The following TLN2 variants were observed in gnomAD, a reference collection of about 807,000 sequenced individuals.
The protein encoded by TLN2 is talin 2, also known as talin-2.
Under a neutral mutation model 294.7 loss-of-function variants are expected in TLN2, and 118 were observed. The observed-to-expected ratio is 0.40, with a 90% CI of 0.34 to 0.47. TLN2 has a LOEUF of 0.47. Among genes scored for constraint, TLN2 ranks in the 20% least tolerant of loss-of-function variants. The pLI is 0.84. For missense variants in TLN2, 3,083 were observed against 3,282.2 expected (o/e 0.94, Z 1.48); for synonymous variants, 1,431 against 1,304.5 (o/e 1.10, Z -2.09).
At chr15:62,606,176 G>A (rs1000122469) in intron 2 of TLN2, among the ~76,000 whole-genome samples, 1 of 151,992 alleles carries the variant, frequency 6.6e-6, no homozygotes, top group Admixed American at 6.6e-5. Flanking sequence ...CCGCCTCCCA[G>A]GTTCAAGCAA....
At chr15:62,704,644 T>C (rs560305867) in intron 19 of TLN2, among the ~76,000 whole-genome samples, 3 of 152,176 alleles carry the variant, frequency 2.0e-5, no homozygotes, top group African/African-American at 7.2e-5. Context: ...ATGATAGAGG[T>C]TGAATTCATA....
chr15:62,735,714 G>A (rs935598274), intron 28 of TLN2, among the ~76,000 whole-genome samples: 3 of 152,076 alleles, frequency 2.0e-5, no homozygotes, highest in Non-Finnish European at 2.9e-5. Flanking sequence ...GTATGACCTA[G>A]CAGTTCACCT....
At chr15:62,578,207 A>G (rs1038796557) in intron 1 of TLN2, among the ~76,000 whole-genome samples, 3 of 152,186 alleles carry the variant, frequency 2.0e-5, no homozygotes, top group African/African-American at 7.2e-5. Flanking sequence ...ATGGTACATG[A>G]CGTGGTAAAT....
intron 48 of TLN2, among the ~76,000 whole-genome samples, chr15:62,799,912 A>G (rs1176474368): frequency 1.3e-5 from 2 of 152,178 alleles, no homozygotes; most frequent in South Asian, 2.1e-4. Flanking sequence ...AGAAGAAGAC[A>G]GGCTGACCTG....
chr15:62,798,179 G>A (rs1419997362), intron 48 of TLN2, among the ~76,000 whole-genome samples: 2 of 152,174 alleles, frequency 1.3e-5, no homozygotes, highest in Admixed American at 1.3e-4. Flanking sequence ...GCAGCCAGAT[G>A]GGGGTGGGGA....
rs1221644000 is a variant in TLN2, at chr15:62,752,432, G to T, written c.4332+5G>T. The T allele has an allele frequency of 6.2e-7, 1 of 1,613,970 alleles. No homozygotes were observed. The highest frequency in any genetic ancestry group is 8.5e-7 in the Non-Finnish European group (1 of 1,179,988). ...CTGACAGAGGCTGCAGCCCAGGTAAGGGGCTAGTCCCGATGCAGCCATGTG... is the reference window on the plus strand; with the variant it reads ...CTGACAGAGGCTGCAGCCCAGGTAATGGGCTAGTCCCGATGCAGCCATGTG... On this transcript the variant is annotated splice_donor_5th_base_variant and intron_variant, in intron 35 of 58. Coordinates refer to ENST00000636159, the MANE Select transcript of TLN2 (RefSeq NM_015059.3).
At chr15:62,779,587 C>T (rs2063971349) in intron 43 of TLN2, among the ~76,000 whole-genome samples, 2 of 152,222 alleles carry the variant, frequency 1.3e-5, no homozygotes. Flanking sequence ...TGGCCACTGG[C>T]CAAGAACTCT....
At chr15:62,507,778 A>T (rs2039703959) in intron 1 of TLN2, among the ~76,000 whole-genome samples, 1 of 152,266 alleles carries the variant, frequency 6.6e-6, no homozygotes, top group Non-Finnish European at 1.5e-5. Flanking sequence ...ACTGGGCAGA[A>T]GCACAGATGT....
chr15:62,839,483 A>G (rs1012370166), intron 58 of TLN2, among the ~76,000 whole-genome samples: 1 of 152,240 alleles, frequency 6.6e-6, no homozygotes, highest in African/African-American at 2.4e-5. Context: ...CACTGCAGAC[A>G]TTTGGCCCTA....
chr15:62,530,074 C>T (rs1176914616), intron 1 of TLN2, among the ~76,000 whole-genome samples: 1 of 152,054 alleles, frequency 6.6e-6, no homozygotes, highest in East Asian at 1.9e-4. Context: ...GCCTGTAGTC[C>T]CAGCTACTTG....
chr15:62,613,218 C>A (rs1452764728), intron 2 of TLN2, among the ~76,000 whole-genome samples: 2 of 152,216 alleles, frequency 1.3e-5, no homozygotes, highest in Non-Finnish European at 2.9e-5. Context: ...TAGAATCAGG[C>A]ATATGGTAAA....
chr15:62,505,103 C>A (rs2039537649), intron 1 of TLN2, among the ~76,000 whole-genome samples: 1 of 151,864 alleles, frequency 6.6e-6, no homozygotes, highest in East Asian at 1.9e-4. Flanking sequence ...ATTACAGGCG[C>A]CTGCCACTAT....
At chr15:62,402,172 C>T (rs972828930) in intron 1 of TLN2, among the ~76,000 whole-genome samples, 1 of 152,184 alleles carries the variant, frequency 6.6e-6, no homozygotes, top group African/African-American at 2.4e-5. Context: ...GTATAATGTA[C>T]TTTCATGCTT....
At chr15:62,466,394 T>C (rs1228312155) in intron 1 of TLN2, among the ~76,000 whole-genome samples, 1 of 152,208 alleles carries the variant, frequency 6.6e-6, no homozygotes, top group East Asian at 1.9e-4. Flanking sequence ...TTCTTTGTTG[T>C]GCGGGGCTGG....
chr15:62,805,347 T>G (rs1330295052), intron 50 of TLN2, among the ~76,000 whole-genome samples: 1 of 151,516 alleles, frequency 6.6e-6, no homozygotes, highest in African/African-American at 2.4e-5. Flanking sequence ...ACCAACAGGT[T>G]AACACTCTAG....
In TLN2 at chr15:62,537,011, C is replaced by G. The variant is rs1596049839; in HGVS notation, c.-237-52676C>G. On this transcript the variant is annotated intron_variant, in intron 1 of 58. Transcript: ENST00000636159. ...GTGCTGCTGAACACTAGAACTCACT[C>G]TGTCATTGTAGTGTTTTTTTTTTTT... is the stretch of plus-strand genomic sequence containing the variant. 2.7e-5 allele frequency among the ~76,000 whole-genome samples: 4 copies of G among 147,064 alleles called. 1 individual carries two copies. In the Admixed American group the frequency reaches 2.8e-4, roughly 10 times the overall value.
At chr15:62,629,801 A>C (rs770973424) in intron 3 of TLN2, among the ~76,000 whole-genome samples, 12 of 152,222 alleles carry the variant, frequency 7.9e-5, no homozygotes, top group Non-Finnish European at 7.3e-5. Flanking sequence ...ACAAAAGGCA[A>C]ATATTAAATT....
chr15:62,515,545 G>T (rs1335234877), intron 1 of TLN2, among the ~76,000 whole-genome samples: 3 of 152,182 alleles, frequency 2.0e-5, no homozygotes, highest in Admixed American at 2.0e-4. Context: ...TTTGTGATGA[G>T]TGTTCTCCCT....
At chr15:62,838,331 C>A (rs887801785) in intron 57 of TLN2, among the ~76,000 whole-genome samples, 1 of 152,116 alleles carries the variant, frequency 6.6e-6, no homozygotes. Context: ...GCTGACTGTC[C>A]AGGAGGGAAC....
Sources: gnomAD v4.1 joint callset for allele counts (sites outside exome capture counted in the v4.1 genomes callset) on GRCh38, gnomAD v4.1.1 for gene constraint, MANE v1.5 for transcripts, NCBI Gene and HGNC (gene_info 2026-07-23, HGNC 2026-07-21) for gene names.